MAML3: variants seen among roughly 807,000 people sequenced by gnomAD.
MAML3 encodes the protein mastermind-like protein 3.
MAML3 carries 27 observed loss-of-function variants against 101.9 expected under a neutral mutation model. That is an observed-to-expected ratio of 0.27 (90% CI 0.20 to 0.37). MAML3 has a LOEUF of 0.37. MAML3 is among the 10% of genes least tolerant of loss of function. MAML3 has a pLI of 1.00. For synonymous variants in MAML3, 501 were observed against 555.9 expected (o/e 0.90, Z 1.39); for missense variants, 1,316 against 1,444.9 (o/e 0.91, Z 1.45).
chr4:139,852,256 T>C (rs1731566656), intron 2 of MAML3, among the ~76,000 whole-genome samples: 1 of 152,124 alleles, frequency 6.6e-6, no homozygotes, highest in Admixed American at 6.5e-5. Context: ...TGGTTCTTTA[T>C]AACCTTTCTG....
chr4:139,978,393 C>T (rs933616602), intron 1 of MAML3, among the ~76,000 whole-genome samples: 3 of 152,122 alleles, frequency 2.0e-5, no homozygotes, highest in Non-Finnish European at 1.5e-5. Context: ...TCCAGGAAGC[C>T]TGTTGGAGTG....
At chr4:139,840,738 A>G (rs1320138993) in intron 2 of MAML3, among the ~76,000 whole-genome samples, 2 of 152,230 alleles carry the variant, frequency 1.3e-5, no homozygotes, top group African/African-American at 4.8e-5. Context: ...GAGATATGTC[A>G]GCAATGCTGG....
chr4:139,931,748 G>A (rs1376626541), intron 1 of MAML3, among the ~76,000 whole-genome samples: 1 of 151,938 alleles, frequency 6.6e-6, no homozygotes, highest in Non-Finnish European at 1.5e-5. Flanking sequence ...GGTGGCTCAC[G>A]CCTGTAATCC....
At chr4:139,975,135 C>T (rs1734304781) in intron 1 of MAML3, among the ~76,000 whole-genome samples, 1 of 152,070 alleles carries the variant, frequency 6.6e-6, no homozygotes, top group Middle Eastern at 3.2e-3. Flanking sequence ...AGATAAAAGC[C>T]AAAGTCCTTG....
chr4:139,746,073 T>C (rs1281211613), intron 2 of MAML3, among the ~76,000 whole-genome samples: 1 of 152,224 alleles, frequency 6.6e-6, no homozygotes, highest in Non-Finnish European at 1.5e-5. Flanking sequence ...TCATGACAAG[T>C]AGACTTCATA....
chr4:139,771,051 C>T lies in MAML3; in HGVS notation c.2080-40384G>A, dbSNP rs111302034. Among the ~76,000 whole-genome samples the T allele has an allele frequency of 1.9e-3, 290 of 152,290 alleles. 1 individual carries two copies. The highest frequency in any genetic ancestry group is 6.6e-3 in the African/African-American group (273 of 41,564). On this transcript the variant is annotated intron_variant, in intron 2 of 4. Transcript: ENST00000509479. The stretch of plus-strand genomic sequence containing the variant: ...CCTCCATGAAGGATCCACACCACAC[C>T]CTCCTTCTGGAGAGCTCTCTACAGT...
At chr4:139,871,010 A>T (rs1468681266) in intron 2 of MAML3, among the ~76,000 whole-genome samples, 1 of 152,208 alleles carries the variant, frequency 6.6e-6, no homozygotes, top group Non-Finnish European at 1.5e-5. Flanking sequence ...TTTGGAATGC[A>T]TGTTTGTGTG....
intron 2 of MAML3, among the ~76,000 whole-genome samples, chr4:139,793,134 A>C (rs1388762571): frequency 6.6e-6 from 1 of 152,124 alleles, no homozygotes; most frequent in Non-Finnish European, 1.5e-5. Context: ...GAAACGAAAC[A>C]CATTTATTCA....
intron 1 of MAML3, among the ~76,000 whole-genome samples, chr4:140,136,382 C>G (rs1447123591): frequency 6.6e-6 from 1 of 152,122 alleles, no homozygotes; most frequent in East Asian, 1.9e-4. Flanking sequence ...CCTCCCCCAC[C>G]GCATATTATC....
chr4:139,904,641 C>A (rs1189773695), intron 1 of MAML3, among the ~76,000 whole-genome samples: 1 of 152,170 alleles, frequency 6.6e-6, no homozygotes, highest in East Asian at 1.9e-4. Context: ...ACAGCCCAGG[C>A]AGAGAGAGCA....
At chr4:139,966,608 G>A (rs559452820) in intron 1 of MAML3, among the ~76,000 whole-genome samples, 2 of 152,256 alleles carry the variant, frequency 1.3e-5, no homozygotes, top group African/African-American at 4.8e-5. Flanking sequence ...ACTATCTTAC[G>A]TGTTTCTGAC....
chr4:140,153,221 G>A lies in MAML3; in HGVS notation c.107C>T (p.Thr36Ile), dbSNP rs1417024917. Residue 36 changes from threonine to isoleucine, a missense_variant, in exon 1 of 5, where the codon ACT becomes ATT. Coordinates refer to ENST00000509479, the MANE Select transcript of MAML3 (RefSeq NM_018717.5). Reference protein sequence around the residue: ...LGGAGIGVNNTPNSTPAAPSS... With the variant: ...LGGAGIGVNNIPNSTPAAPSS... Reference sequence around the variant, plus strand: ...CGGAGCAGCGGGAGTACTATTGGGAGTATTATTCACACCGATCCCGGCCCC... The same window carrying A: ...CGGAGCAGCGGGAGTACTATTGGGAATATTATTCACACCGATCCCGGCCCC... 3 of 1,571,684 alleles carry A rather than the reference G, an allele frequency of 1.9e-6. No individual in the cohort carries two copies. Among genetic ancestry groups the A allele is most frequent in the African/African-American group, 1.4e-5 (1 of 74,050 alleles).
chr4:140,041,533 C>G (rs1011387814), intron 1 of MAML3, among the ~76,000 whole-genome samples: 8 of 151,970 alleles, frequency 5.3e-5, no homozygotes, highest in Admixed American at 5.2e-4. Context: ...CTAAGGCAGA[C>G]CAGGTTGAAG....
intron 2 of MAML3, among the ~76,000 whole-genome samples, chr4:139,775,879 G>T (rs541284990): frequency 6.6e-6 from 1 of 152,112 alleles, no homozygotes; most frequent in African/African-American, 2.4e-5. Context: ...TTATGGTTCC[G>T]ACTGCTTAGG....
intron 2 of MAML3, among the ~76,000 whole-genome samples, chr4:139,818,132 C>G (rs553749185): frequency 6.6e-6 from 1 of 152,304 alleles, no homozygotes; most frequent in African/African-American, 2.4e-5. Context: ...GATGCTGATC[C>G]TGCTAGTCCT....
At chr4:139,778,171 A>G (rs1366163477) in intron 2 of MAML3, among the ~76,000 whole-genome samples, 2 of 152,246 alleles carry the variant, frequency 1.3e-5, no homozygotes, top group Non-Finnish European at 2.9e-5. Context: ...ATGATGAATA[A>G]AAGAATACCG....
intron 1 of MAML3, among the ~76,000 whole-genome samples, chr4:140,034,094 A>C (rs1726947645): frequency 6.6e-6 from 1 of 152,252 alleles, no homozygotes; most frequent in Non-Finnish European, 1.5e-5. Context: ...GGTTTACAAA[A>C]GGCTTCTATC....
At chr4:139,836,019 G>C (rs1731250524) in intron 2 of MAML3, among the ~76,000 whole-genome samples, 1 of 152,200 alleles carries the variant, frequency 6.6e-6, no homozygotes, top group South Asian at 2.1e-4. Flanking sequence ...CAATGGGACT[G>C]TGCAGGAGAC....
At chr4:139,883,624 G>A (rs1732264437) in intron 2 of MAML3, among the ~76,000 whole-genome samples, 1 of 152,062 alleles carries the variant, frequency 6.6e-6, no homozygotes, top group Non-Finnish European at 1.5e-5. Context: ...CTGTAGAATT[G>A]AGTAACTGAA....
Sources: allele counts gnomAD v4.1 joint callset (sites outside exome capture counted in the v4.1 genomes callset), GRCh38; gene constraint gnomAD v4.1.1; transcripts MANE v1.5; gene names NCBI Gene and HGNC (gene_info 2026-07-23, HGNC 2026-07-21).